PMM1: variants seen among roughly 807,000 people sequenced by gnomAD.
The protein encoded by PMM1 is brain glucose-1,6-bisphosphatase.
A neutral mutation model predicts 34.0 loss-of-function variants in PMM1; 25 were observed. The ratio of observed to expected loss-of-function variants is 0.73; its 90% CI spans 0.54 to 1.03. PMM1 has a LOEUF of 1.03. PMM1 is among the 50% of genes least tolerant of loss of function. PMM1 has a pLI of 0.00. For synonymous variants in PMM1, 134 were observed against 143.9 expected (o/e 0.93, Z 0.49); for missense variants, 321 against 350.1 (o/e 0.92, Z 0.66).
chr22:41,586,196 A>AT lies in PMM1; in HGVS notation c.88-4dup. 1.2e-6 allele frequency: 2 copies of AT among 1,607,070 alleles called. No homozygotes were observed. Among genetic ancestry groups the AT allele is most frequent in the South Asian group, 1.1e-5 (1 of 90,898 alleles). On this transcript the variant is annotated splice_region_variant and splice_polypyrimidine_tract_variant and intron_variant, in intron 1 of 7. Transcript: ENST00000216259. ...GCGGCCACCTCAGGGTCAATTTTCT[A>AT]TGGGGGGAGAGGGGAAGCATAGCAT...
At chr22:41,580,962 A>G (rs1294264582) in intron 5 of PMM1, among the ~76,000 whole-genome samples, 1 of 152,034 alleles carries the variant, frequency 6.6e-6, no homozygotes, top group African/African-American at 2.4e-5. Flanking sequence ...TAAAAATACA[A>G]AAATTAGCTG....
chr22:41,581,165 A>C (rs1437335559), intron 5 of PMM1, among the ~76,000 whole-genome samples: 1 of 151,034 alleles, frequency 6.6e-6, no homozygotes, highest in Non-Finnish European at 1.5e-5. Flanking sequence ...CAAAACCAAA[A>C]CCAAAAAACT....
chr22:41,577,246 C>A lies in PMM1; in HGVS notation c.*72G>T. The A allele has an allele frequency of 1.9e-6, 3 of 1,594,950 alleles. No homozygotes were observed. The highest frequency in any genetic ancestry group is 2.6e-6 in the Non-Finnish European group (3 of 1,168,558). On this transcript the variant is annotated 3_prime_UTR_variant, in exon 8 of 8. Coordinates refer to ENST00000216259, the MANE Select transcript of PMM1 (RefSeq NM_002676.3). ...CCAGAGGAGGGGCCCTGGCATCTAT[C>A]CAACACCAGGACCTCTCTTTAGGCC...
intron 7 of PMM1, 118 bp downstream of exon 7, chr22:41,577,690 C>A: frequency 1.3e-6 from 1 of 798,196 alleles, no homozygotes; most frequent in South Asian, 1.6e-5. Flanking sequence ...CCTAAGAGGT[C>A]TGTTGTGTTG....
rs916649574 is a variant in PMM1 at position 41,588,593 on chromosome 22, G to C, written c.87+1126C>G. On this transcript the variant is annotated intron_variant, in intron 1 of 7. Coordinates refer to ENST00000216259, the MANE Select transcript of PMM1 (RefSeq NM_002676.3). ...TGATCTAGAATTCCTGACCTCAGGT[G>C]ATCTGCCCACCATGGCCTCCCAAAG... 7.6e-6 allele frequency: 7 copies of C among 926,400 alleles called. No homozygotes were observed. The African/African-American group carries it at 1.1e-4, about 14-fold the overall frequency. The allele number at this position is 926,400 out of a possible 1,614,324, so 57.4% of individuals were successfully genotyped here.
chr22:41,588,519 T>G, intron 1 of PMM1: 1 of 406,552 alleles, frequency 2.5e-6, no homozygotes, highest in African/African-American at 2.2e-5. Flanking sequence ...GAACCCAGCC[T>G]AATTTTTGTA....
chr22:41,583,654 T>C (rs1010692222), intron 5 of PMM1, among the ~76,000 whole-genome samples: 6 of 151,994 alleles, frequency 3.9e-5, no homozygotes, highest in Non-Finnish European at 8.8e-5. Flanking sequence ...GATTTGACAC[T>C]GACTCGAGAG....
At position 41,589,794 on chromosome 22, in the gene PMM1, G is replaced by A; in HGVS notation, c.12C>T (p.Thr4=). Residue 4 remains threonine, a synonymous_variant, in exon 1 of 8, where the codon ACC becomes ACT. Coordinates refer to ENST00000216259, the MANE Select transcript of PMM1 (RefSeq NM_002676.3). MAV[T]AQAARRKERV... ...GCTCCTTCCTGCGGGCTGCCTGGGC[G>A]GTGACTGCCATGGCTGCAGGTCCGC... 4 of 1,607,416 alleles carry A rather than the reference G, an allele frequency of 2.5e-6. No individual in the cohort carries two copies. The highest frequency in any genetic ancestry group is 3.4e-6 in the Non-Finnish European group (4 of 1,177,902).
chr22:41,579,629 G>A (rs2067218705), intron 5 of PMM1: 1 of 152,558 alleles, frequency 6.6e-6, no homozygotes, highest in South Asian at 2.1e-4. Context: ...GGGGGACCAA[G>A]AGGCGCTGAG....
Position 41,589,742 on chromosome 22 carries a change from C to G in PMM1, c.64G>C (p.Gly22Arg). 6.2e-7 allele frequency: 1 copy of G among 1,611,956 alleles called. No homozygotes were observed. The highest frequency in any genetic ancestry group is 8.5e-7 in the Non-Finnish European group (1 of 1,179,526). ...ERVLCLFDVDGTLTPARQKID... is the reference protein window; with the variant it reads ...ERVLCLFDVDRTLTPARQKID... Reference sequence around the variant, plus strand: ...ACCTGGCGAGCCGGCGTGAGGGTCCCGTCCACGTCAAACAGGCAGAGGACG... The same window carrying G: ...ACCTGGCGAGCCGGCGTGAGGGTCCGGTCCACGTCAAACAGGCAGAGGACG... The change falls in exon 1 of 8, where the codon GGG (glycine) becomes CGG (arginine). Residue 22 changes from glycine to arginine, a missense_variant. Physicochemically the swap from Gly to Arg is moderately radical, Grantham distance 125 (BLOSUM62 -2). Transcript: ENST00000216259.
intron 1 of PMM1, 117 bp from the exon 2 acceptor site, chr22:41,586,310 A>G (rs2067307177): frequency 6.5e-7 from 1 of 1,542,218 alleles, no homozygotes; most frequent in East Asian, 2.4e-5. Flanking sequence ...GATCTGAAGC[A>G]GTACAAAGCT....
Position 41,586,399 on chromosome 22 carries a change from G to C in PMM1, c.88-206C>G. 3.6e-6 allele frequency: 3 copies of C among 833,156 alleles called. No individual in the cohort carries two copies. In the South Asian group the frequency reaches 7.1e-5, roughly 20 times the overall value. The allele number at this position is 833,156 out of a possible 1,614,324, so 51.6% of individuals were successfully genotyped here. ...ACACTTTGCGAGGCCAAGGCAGAAA[G>C]ATCACTTGACCCAGGAGTTTGAGAC... On this transcript the variant is annotated intron_variant, in intron 1 of 7. Transcript: ENST00000216259.
At position 41,586,186 on chromosome 22, in the gene PMM1, T is replaced by C; in HGVS notation, c.95A>G (p.Asp32Gly). The C allele has an allele frequency of 6.2e-7, 1 of 1,609,236 alleles. No homozygotes were observed. Among genetic ancestry groups the C allele is most frequent in the South Asian group, 1.1e-5 (1 of 90,914 alleles). The change falls in exon 2 of 8, where the codon GAC (aspartate) becomes GGC (glycine). Residue 32 changes from aspartate (D) to glycine (G), a missense_variant. Coordinates refer to ENST00000216259, the MANE Select transcript of PMM1 (RefSeq NM_002676.3). ...CTGCAGGAAGGCGGCCACCTCAGGGTCAATTTTCTATGGGGGGAGAGGGGA... is the reference window on the plus strand; with the variant it reads ...CTGCAGGAAGGCGGCCACCTCAGGGCCAATTTTCTATGGGGGGAGAGGGGA... The part of the protein sequence containing the change: ...GTLTPARQKI[D>G]PEVAAFLQKL...
At chr22:41,586,915 C>T (rs982256454) in intron 1 of PMM1, among the ~76,000 whole-genome samples, 34 of 138,898 alleles carry the variant, frequency 2.4e-4, no homozygotes, top group Non-Finnish European at 5.0e-4. Flanking sequence ...GTCAGGAGTT[C>T]GAGACCAGCC....
rs1043606404 is a variant in PMM1 at position 41,584,123 on chromosome 22, C to T, written c.375-65G>A. 16 of 1,387,070 alleles carry T rather than the reference C, an allele frequency of 1.2e-5. No homozygotes were observed. In the African/African-American group the frequency reaches 1.3e-4, roughly 11 times the overall value. The allele number at this position is 1,387,070 out of a possible 1,614,324, so 85.9% of individuals were successfully genotyped here. On this transcript the variant is annotated intron_variant, in intron 4 of 7. Transcript: ENST00000216259. ...ACGGCCCTGAATTCAAATCTAGCCC[C>T]ACCTGGGACCCCAGCCTCCTAGGAC...
At position 41,580,642 on chromosome 22, in the gene PMM1, G is replaced by C. The variant is rs531034414; in HGVS notation, c.475-1761C>G. On this transcript the variant is annotated intron_variant, in intron 5 of 7. Transcript: ENST00000216259. ...GGATAACTTCTCAGCACGTGTATTG[G>C]GGGGGAAGGGTTCTTTGCCTAAGAC... 17 of 152,096 alleles carry C rather than the reference G, an allele frequency of 1.1e-4. No individual in the cohort carries two copies. In the East Asian group the frequency reaches 1.2e-3, roughly 10 times the overall value. 9.4% of individuals were successfully genotyped at this position (152,096 alleles called of 1,614,324 possible).
At chr22:41,587,919 G>C (rs1439355555) in intron 1 of PMM1, among the ~76,000 whole-genome samples, 1 of 152,306 alleles carries the variant, frequency 6.6e-6, no homozygotes, top group East Asian at 1.9e-4. Flanking sequence ...AAGGCACTAA[G>C]CACAGAGGCT....
chr22:41,589,745 C>T lies in PMM1; in HGVS notation c.61G>A (p.Asp21Asn). 1 of 1,612,092 alleles carries T rather than the reference C, an allele frequency of 6.2e-7. No individual in the cohort carries two copies. The highest frequency in any genetic ancestry group is 8.5e-7 in the Non-Finnish European group (1 of 1,179,584). ...TGGCGAGCCGGCGTGAGGGTCCCGT[C>T]CACGTCAAACAGGCAGAGGACGCGC... is the stretch of plus-strand genomic sequence containing the variant. ...KERVLCLFDV[D>N]GTLTPARQKI... is the part of the protein sequence containing the mutation. Residue 21 changes from aspartate to asparagine, a missense_variant, in exon 1 of 8, where the codon GAC (aspartate) becomes AAC (asparagine). Transcript: ENST00000216259.
Position 41,577,181 on chromosome 22 carries a change from T to C in PMM1, c.*137A>G. ...GCTGGGGACGGTTGTCCACACAGAC[T>C]CTGGCCCCATCTGGGTGGGCTTGCA... On this transcript the variant is annotated 3_prime_UTR_variant, in exon 8 of 8. Coordinates refer to ENST00000216259, the MANE Select transcript of PMM1 (RefSeq NM_002676.3). The C allele has an allele frequency of 8.6e-6, 10 of 1,165,534 alleles. No individual in the cohort carries two copies. In the South Asian group the frequency reaches 1.3e-4, roughly 15 times the overall value. The allele number at this position is 1,165,534 out of a possible 1,614,324, so 72.2% of individuals were successfully genotyped here.
Sources: allele counts gnomAD v4.1 joint callset (sites outside exome capture counted in the v4.1 genomes callset), GRCh38; gene constraint gnomAD v4.1.1; transcripts MANE v1.5; gene names NCBI Gene and HGNC (gene_info 2026-07-23, HGNC 2026-07-21).